Variants in DDX54 observed in about 807,000 individuals in gnomAD.
The protein encoded by DDX54 is ATP-dependent RNA helicase DDX54.
Under a neutral mutation model 105.5 loss-of-function variants are expected in DDX54, and 67 were observed. The observed-to-expected ratio is 0.64, with a 90% CI of 0.52 to 0.78. DDX54 has a LOEUF of 0.78. Ranked by LOEUF, DDX54 falls within the 30% of genes least tolerant of loss-of-function variation. The pLI is 0.00. For missense variants in DDX54, 1,206 were observed against 1,230.5 expected, an observed-to-expected ratio of 0.98 and a Z score of 0.30; for synonymous variants, 514 against 509.9, an observed-to-expected ratio of 1.01 and a Z score of -0.11.
At chr12:113,181,635 G>A (rs919731703) in intron 1 of DDX54, among the ~76,000 whole-genome samples, 3 of 151,748 alleles carry the variant, frequency 2.0e-5, no homozygotes, top group Non-Finnish European at 2.9e-5. Context: ...AGAGCCAATC[G>A]AAATGCCTAC....
In DDX54 at chr12:113,177,244, G is replaced by A. The variant is rs561837550; in HGVS notation, c.615-151C>T. The A allele has an allele frequency of 1.3e-4, 101 of 787,938 alleles. No homozygotes were observed. The African/African-American group carries it at 1.5e-3, about 12-fold the overall frequency. The allele number at this position is 787,938 out of a possible 1,614,324, so 48.8% of individuals were successfully genotyped here. ...GGAAAGGCCAGTGCTGAGGTATGAG[G>A]CAAAGGCATTGCCCTGACAAGAGAT... On this transcript the variant is annotated intron_variant, in intron 5 of 19. Transcript: ENST00000306014.
intron 1 of DDX54, among the ~76,000 whole-genome samples, chr12:113,182,223 G>A (rs952904223): frequency 1.5e-4 from 23 of 152,202 alleles, no homozygotes; most frequent in Non-Finnish European, 3.4e-4. Context: ...AGCAGGTAGT[G>A]GGTGAGGGAT....
intron 12 of DDX54, among the ~76,000 whole-genome samples, chr12:113,168,225 G>A (rs898828564): frequency 6.6e-6 from 1 of 152,244 alleles, no homozygotes; most frequent in South Asian, 2.1e-4. Flanking sequence ...TGAGGGGGCC[G>A]TGGCCTGGAC....
chr12:113,176,334 G>A (rs1341418015), intron 7 of DDX54, among the ~76,000 whole-genome samples: 15 of 152,272 alleles, frequency 9.9e-5, no homozygotes, highest in African/African-American at 2.9e-4. Context: ...TTGGGAGGCC[G>A]AGGCGGGTGG....
Position 113,158,810 on chromosome 12 carries a change from G to A in DDX54, c.*67C>T. ...AGCACAGGGCCAGGCACACAGTGGT[G>A]CACGGGAACGTCTGCTGATGCCCAC... On this transcript the variant is annotated 3_prime_UTR_variant, in exon 20 of 20. Coordinates refer to ENST00000306014, the MANE Select transcript of DDX54 (RefSeq NM_024072.4). This position sits in a 1 kb window ranked among gnomAD's most constrained non-coding sequence, Gnocchi z 4.9. 6.7e-7 allele frequency: 1 copy of A among 1,491,738 alleles called. No homozygotes were observed. The highest frequency in any genetic ancestry group is 2.0e-5 in the Admixed American group (1 of 48,860). 92.4% of individuals were successfully genotyped at this position (1,491,738 alleles called of 1,614,324 possible).
At chr12:113,185,146 G>C in intron 1 of DDX54, 132 bp downstream of exon 1, 1 of 1,187,922 alleles carries the variant, frequency 8.4e-7, no homozygotes, top group Non-Finnish European at 1.1e-6. Flanking sequence ...TCCCAAGACC[G>C]GTCCTCGGGT....
At position 113,172,347 on chromosome 12, in the gene DDX54, G is replaced by C; in HGVS notation, c.1279+6C>G. 6.2e-7 allele frequency: 1 copy of C among 1,612,946 alleles called. No homozygotes were observed. The highest frequency in any genetic ancestry group is 8.5e-7 in the Non-Finnish European group (1 of 1,179,472). ...CCTGCCCCAGGGCCAGCCACGGGCT[G>C]CTTACCCACGCGGTGCAGGAAGAGT... On this transcript the variant is annotated splice_donor_region_variant and intron_variant, in intron 11 of 19. Coordinates refer to ENST00000306014, the MANE Select transcript of DDX54 (RefSeq NM_024072.4).
At chr12:113,180,855 G>A (rs1405778960) in intron 2 of DDX54, 74 bp downstream of exon 2, 1 of 1,600,608 alleles carries the variant, frequency 6.2e-7, no homozygotes, top group African/African-American at 1.3e-5. Flanking sequence ...GTGGACATCA[G>A]TGATGGAGTG....
rs751701746 is a variant in DDX54 at position 113,164,083 on chromosome 12, G to A, written c.1922C>T (p.Ala641Val). 5.8e-6 allele frequency: 9 copies of A among 1,548,308 alleles called. No homozygotes were observed. In the Admixed American group the frequency reaches 5.9e-5, roughly 10 times the overall value. The stretch of plus-strand genomic sequence containing the variant: ...AACCTGTACCTCCACACTCTCTCCC[G>A]CCTCCTCCTCCTCCTCCTTCTCAGG... ...KQPEKEEEEE[A>V]GESVEDIFSE... Residue 641 changes from alanine (A) to valine (V), a missense_variant, in exon 15 of 20, where the codon GCG (alanine) becomes GTG (valine). Transcript: ENST00000306014.
At chr12:113,172,748 C>A (rs1323605082) in intron 10 of DDX54, among the ~76,000 whole-genome samples, 185 bp from the exon 11 acceptor site, 1 of 152,218 alleles carries the variant, frequency 6.6e-6, no homozygotes, top group Non-Finnish European at 1.5e-5. Context: ...ATGGAGCTTA[C>A]AACACCTCCC....
chr12:113,170,731 C>T (rs901324358), intron 11 of DDX54, among the ~76,000 whole-genome samples: 2 of 152,112 alleles, frequency 1.3e-5, no homozygotes, highest in Non-Finnish European at 2.9e-5. Flanking sequence ...AGCAGTCACA[C>T]GACAGCAGCA....
At position 113,174,763 on chromosome 12, in the gene DDX54, G is replaced by A. The variant is rs2136322461; in HGVS notation, c.945C>T (p.Phe315=). The stretch of plus-strand genomic sequence containing the variant: ...CCTTGGTGTCCTCCCGCACGAGGAA[G>A]AAGGAGGTCTGTGGGGAGAGGGCAT... ...TKLNEQLKTS[F]FLVREDTKAA... Residue 315 remains phenylalanine, a synonymous_variant, in exon 10 of 20, where the codon TTC becomes TTT. Coordinates refer to ENST00000306014, the MANE Select transcript of DDX54 (RefSeq NM_024072.4). The A allele has an allele frequency of 6.2e-7, 1 of 1,612,696 alleles. No homozygotes were observed. Among genetic ancestry groups the A allele is most frequent in the Non-Finnish European group, 8.5e-7 (1 of 1,178,752 alleles).
At chr12:113,180,274 T>C (rs1952451466) in intron 2 of DDX54, among the ~76,000 whole-genome samples, 1 of 152,192 alleles carries the variant, frequency 6.6e-6, no homozygotes, top group Non-Finnish European at 1.5e-5. Flanking sequence ...TAGGTGACAC[T>C]AAGAAGCTGT....
chr12:113,161,890 T>C lies in DDX54; in HGVS notation c.2300+3A>G. ...CCCTCCCCAGCCACGCCCCTCAGGA[T>C]ACAGGTCTCGCTTGTAGGAGCTGCT... is the stretch of plus-strand genomic sequence containing the variant. On this transcript the variant is annotated splice_donor_region_variant and intron_variant, in intron 18 of 19. Transcript: ENST00000306014. 1 of 1,555,372 alleles carries C rather than the reference T, an allele frequency of 6.4e-7. No individual in the cohort carries two copies. Among genetic ancestry groups the C allele is most frequent in the African/African-American group, 1.4e-5 (1 of 72,858 alleles).
rs763131577 is a variant in DDX54 at position 113,158,835 on chromosome 12, C to T, written c.*42G>A. 1.3e-5 allele frequency: 20 copies of T among 1,552,766 alleles called. No homozygotes were observed. In the South Asian group the frequency reaches 2.3e-4, roughly 18 times the overall value. The stretch of plus-strand genomic sequence containing the variant: ...GCACGGGAACGTCTGCTGATGCCCA[C>T]CCTAAGGCCAATCAAGGAGCCACGG... On this transcript the variant is annotated 3_prime_UTR_variant, in exon 20 of 20. Coordinates refer to ENST00000306014, the MANE Select transcript of DDX54 (RefSeq NM_024072.4). The surrounding 1 kb of genome is among the most constrained non-coding windows in gnomAD (Gnocchi z 4.9).
chr12:113,179,302 G>C lies in DDX54; in HGVS notation c.405C>G (p.Asp135Glu), dbSNP rs149938686. Reference sequence around the variant, plus strand: ...TGCCCGTCCGGGCCATGGCCACCACGTCCTTGCCATCCAAGATCACCGGGA... The same window carrying C: ...TGCCCGTCCGGGCCATGGCCACCACCTCCTTGCCATCCAAGATCACCGGGA... ...KTIPVILDGK[D>E]VVAMARTGSG... The change falls in exon 4 of 20, where the codon GAC becomes GAG. Residue 135 changes from aspartate to glutamate, a missense_variant. By Grantham distance (45) the Asp-to-Glu change is conservative. Transcript: ENST00000306014. The C allele has an allele frequency of 4.4e-5, 71 of 1,613,780 alleles. No individual in the cohort carries two copies. In the Admixed American group the frequency reaches 4.8e-4, roughly 11 times the overall value.
intron 14 of DDX54, 100 bp downstream of exon 14, chr12:113,165,536 AGTCCTGGC>A: frequency 5.8e-6 from 7 of 1,214,186 alleles, no homozygotes; most frequent in Non-Finnish European, 7.8e-6. Flanking sequence ...GTGCAATCTG[AGTCCTGGC>A]ACCACCGTTG....
At chr12:113,174,598 C>G in intron 10 of DDX54, 42 bp downstream of exon 10, 4 of 1,597,408 alleles carry the variant, frequency 2.5e-6, no homozygotes, top group Non-Finnish European at 2.6e-6. Flanking sequence ...GCTCCAAACT[C>G]CAGCTGAAGG....
intron 1 of DDX54, among the ~76,000 whole-genome samples, chr12:113,182,982 C>G (rs1952484417): frequency 6.6e-6 from 1 of 151,964 alleles, no homozygotes; most frequent in African/African-American, 2.4e-5. Flanking sequence ...CTCAGCCTCC[C>G]AAGTAGCTGG....
Sources: allele counts gnomAD v4.1 joint callset (sites outside exome capture counted in the v4.1 genomes callset), GRCh38; gene constraint gnomAD v4.1.1; non-coding constraint Gnocchi (gnomAD v3.1); transcripts MANE v1.5; gene names NCBI Gene and HGNC (gene_info 2026-07-23, HGNC 2026-07-21).